Variants in TTC28 observed in about 807,000 individuals in gnomAD.
The protein encoded by TTC28 is tetratricopeptide repeat domain 28.
Under a neutral mutation model 198.0 loss-of-function variants are expected in TTC28, and 61 were observed. The ratio of observed to expected loss-of-function variants is 0.31; its 90% confidence interval spans 0.25 to 0.38. The LOEUF is 0.38. Ranked by LOEUF, TTC28 falls within the 10% of genes least tolerant of loss-of-function variation. The pLI is 1.00. For synonymous variants in TTC28, 1,171 were observed against 1,297.8 expected (o/e 0.90, Z 2.10); for missense variants, 2,678 against 3,164.0 (o/e 0.85, Z 3.69).
intron 2 of TTC28, among the ~76,000 whole-genome samples, chr22:28,573,767 T>C (rs1035985368): frequency 6.6e-6 from 1 of 152,180 alleles, no homozygotes; most frequent in Non-Finnish European, 1.5e-5. Context: ...TAGTCACCTG[T>C]CGTGCTATCA....
intron 12 of TTC28, among the ~76,000 whole-genome samples, chr22:28,044,754 G>A (rs910138067): frequency 2.0e-5 from 3 of 152,262 alleles, no homozygotes; most frequent in South Asian, 4.1e-4. Context: ...CTGGGATCCA[G>A]AACAATTGTG....
intron 2 of TTC28, among the ~76,000 whole-genome samples, chr22:28,336,917 T>C (rs1291742866): frequency 3.3e-5 from 5 of 152,350 alleles, no homozygotes; most frequent in South Asian, 4.1e-4. Context: ...CTCAAGTTCT[T>C]TTAATTGTGA....
At chr22:28,406,255 A>C (rs1025502873) in intron 2 of TTC28, among the ~76,000 whole-genome samples, 1 of 152,254 alleles carries the variant, frequency 6.6e-6, no homozygotes, top group Non-Finnish European at 1.5e-5. Context: ...CACTCAGCTA[A>C]GCCTTATGCC....
At chr22:28,114,808 A>G (rs1942588835) in intron 6 of TTC28, among the ~76,000 whole-genome samples, 1 of 151,922 alleles carries the variant, frequency 6.6e-6, no homozygotes, top group Non-Finnish European at 1.5e-5. Context: ...CTAGTCTCAA[A>G]CTCTTGGGCT....
chr22:28,528,197 AG>A (rs1201677395), intron 2 of TTC28, among the ~76,000 whole-genome samples: 1 of 152,202 alleles, frequency 6.6e-6, no homozygotes, highest in African/African-American at 2.4e-5. Flanking sequence ...TCTTTTCTTC[AG>A]TTTCATAAAG....
chr22:28,102,580 C>T (rs1490399450), intron 8 of TTC28, among the ~76,000 whole-genome samples: 1 of 152,014 alleles, frequency 6.6e-6, no homozygotes, highest in East Asian at 1.9e-4. Context: ...TGTGCAGAGA[C>T]AGCATGAAGG....
At chr22:28,319,595 ACT>A (rs2045412046) in intron 2 of TTC28, among the ~76,000 whole-genome samples, 1 of 152,128 alleles carries the variant, frequency 6.6e-6, no homozygotes, top group Non-Finnish European at 1.5e-5. Flanking sequence ...GTATATGGAA[ACT>A]CTACTGTCTG....
chr22:28,487,281 T>C (rs1430078166), intron 2 of TTC28, among the ~76,000 whole-genome samples: 4 of 151,962 alleles, frequency 2.6e-5, no homozygotes, highest in Non-Finnish European at 5.9e-5. Flanking sequence ...AAAAACTGGA[T>C]ATTATAAAAA....
rs1303131018 is a variant in TTC28, at chr22:28,655,589, C to T, written c.102+24033G>A. On this transcript the variant is annotated intron_variant, in intron 1 of 22. Transcript: ENST00000397906. Reference sequence around the variant, plus strand: ...ATCTTAGAATTCCCCTCACCCTAGGCCGGGCGTGGTGGCTCACGCCTCCCA... The same window carrying T: ...ATCTTAGAATTCCCCTCACCCTAGGTCGGGCGTGGTGGCTCACGCCTCCCA... Among the ~76,000 whole-genome samples, 5 of 152,188 alleles carry T rather than the reference C, an allele frequency of 3.3e-5. No homozygotes were observed. The East Asian group carries it at 9.6e-4, about 29-fold the overall frequency.
Position 28,585,437 on chromosome 22 carries a change from A to C in TTC28, c.381+44115T>G, listed in dbSNP as rs371611139. Among the ~76,000 whole-genome samples, 14 of 152,278 alleles carry C rather than the reference A, an allele frequency of 9.2e-5. No homozygotes were observed. The East Asian group carries it at 1.7e-3, about 19-fold the overall frequency. The stretch of plus-strand genomic sequence containing the variant: ...AGTTCACGATAGGGTTAAGGCTCCT[A>C]TGCGAATCTAATGCCACTGCTGATC... On this transcript the variant is annotated intron_variant, in intron 2 of 22. Transcript: ENST00000397906.
chr22:28,650,296 A>G (rs1236583204), intron 1 of TTC28, among the ~76,000 whole-genome samples: 1 of 152,188 alleles, frequency 6.6e-6, no homozygotes, highest in Non-Finnish European at 1.5e-5. Flanking sequence ...TTGCGTGCCT[A>G]TGGACAAGAA....
At chr22:28,613,206 G>T (rs909726070) in intron 2 of TTC28, among the ~76,000 whole-genome samples, 2 of 152,080 alleles carry the variant, frequency 1.3e-5, no homozygotes, top group African/African-American at 4.8e-5. Flanking sequence ...TAGAAGAAAT[G>T]GATAAATTCC....
chr22:28,288,399 T>C (rs2044726406), intron 5 of TTC28, among the ~76,000 whole-genome samples: 1 of 152,180 alleles, frequency 6.6e-6, no homozygotes, highest in South Asian at 2.1e-4. Flanking sequence ...TATGACCAAA[T>C]ACCTAATAGA....
chr22:28,423,240 A>G (rs1283743312), intron 2 of TTC28, among the ~76,000 whole-genome samples: 1 of 152,118 alleles, frequency 6.6e-6, no homozygotes, highest in Non-Finnish European at 1.5e-5. Context: ...AAATATAAAA[A>G]TTAGCCAGGT....
At chr22:28,281,831 T>C (rs998335260) in intron 5 of TTC28, among the ~76,000 whole-genome samples, 1 of 152,212 alleles carries the variant, frequency 6.6e-6, no homozygotes, top group African/African-American at 2.4e-5. Context: ...CTTGAGTTGC[T>C]TGGAATCTGT....
At chr22:28,643,444 T>C (rs2051401854) in intron 1 of TTC28, among the ~76,000 whole-genome samples, 1 of 152,178 alleles carries the variant, frequency 6.6e-6, no homozygotes, top group African/African-American at 2.4e-5. Flanking sequence ...TGAAGCACAA[T>C]TGCCATTGAT....
intron 6 of TTC28, among the ~76,000 whole-genome samples, chr22:28,155,555 G>A (rs1224625606): frequency 6.6e-6 from 1 of 152,212 alleles, no homozygotes; most frequent in Non-Finnish European, 1.5e-5. Context: ...TTGTTACTAA[G>A]AGAGGCTTCA....
At chr22:28,571,290 AG>A (rs1482195582) in intron 2 of TTC28, among the ~76,000 whole-genome samples, 3 of 152,216 alleles carry the variant, frequency 2.0e-5, no homozygotes, top group African/African-American at 4.8e-5. Context: ...CTATTCTCAC[AG>A]AGAGAAACAA....
At chr22:28,043,142 G>T (rs1304014097) in intron 12 of TTC28, among the ~76,000 whole-genome samples, 1 of 150,196 alleles carries the variant, frequency 6.7e-6, no homozygotes, top group Admixed American at 6.7e-5. Context: ...TACTCGGGAG[G>T]CTGAGGCAGA....
Sources: gnomAD v4.1 joint callset for allele counts (sites outside exome capture counted in the v4.1 genomes callset) on GRCh38, gnomAD v4.1.1 for gene constraint, MANE v1.5 for transcripts, NCBI Gene and HGNC (gene_info 2026-07-23, HGNC 2026-07-21) for gene names.